The following AK5 variants were observed in gnomAD, a reference collection of about 807,000 sequenced individuals.
The protein encoded by AK5 is adenylate kinase 5, also known as adenylate kinase isoenzyme 5.
AK5 carries 27 observed loss-of-function variants against 69.5 expected under a neutral mutation model. The ratio of observed to expected loss-of-function variants is 0.39; its 90% CI spans 0.29 to 0.54. The LOEUF is 0.54. AK5 is among the 20% of genes least tolerant of loss of function. The pLI, the probability that AK5 is intolerant of heterozygous loss-of-function variation, is 0.71. For synonymous variants in AK5, 260 were observed against 244.4 expected (o/e 1.06, Z -0.60); for missense variants, 531 against 700.4 (o/e 0.76, Z 2.73).
At chr1:77,395,713 A>C (rs1249125994) in intron 6 of AK5, among the ~76,000 whole-genome samples, 1 of 152,240 alleles carries the variant, frequency 6.6e-6, no homozygotes, top group Non-Finnish European at 1.5e-5. Context: ...TAACTAAACA[A>C]AACATAACCT....
chr1:77,288,664 C>T (rs1050080987), intron 2 of AK5, among the ~76,000 whole-genome samples: 2 of 152,100 alleles, frequency 1.3e-5, no homozygotes, highest in Non-Finnish European at 2.9e-5. Flanking sequence ...AATGATATGA[C>T]TCTGACCAAA....
At chr1:77,515,183 C>T (rs534547415) in intron 10 of AK5, among the ~76,000 whole-genome samples, 47 of 152,164 alleles carry the variant, frequency 3.1e-4, no homozygotes, top group Admixed American at 6.5e-4. Flanking sequence ...GACTCCCTGA[C>T]AATACTATGA....
chr1:77,293,890 T>C lies in AK5; in HGVS notation c.345T>C (p.Thr115=), dbSNP rs61750801. 1,220 of 1,613,616 alleles carry C rather than the reference T, an allele frequency of 7.6e-4. 1 individual carries two copies. The highest frequency in any genetic ancestry group is 1.0e-3 in the Non-Finnish European group (1,188 of 1,179,850). The change falls in exon 3 of 14, where the codon ACT becomes ACC. Residue 115 remains threonine (T), a synonymous_variant. Transcript: ENST00000354567. ...SIESDTDLSE[T]AELIEEYEVF... ...AAAGTGACACGGATCTCTCTGAGAC[T>C]GCAGAGTTGATTGAGGAGTATGAGG...
At chr1:77,399,412 T>G (rs1304404826) in intron 6 of AK5, among the ~76,000 whole-genome samples, 1 of 152,124 alleles carries the variant, frequency 6.6e-6, no homozygotes, top group Non-Finnish European at 1.5e-5. Flanking sequence ...CCCTTCTTAT[T>G]GTTAGTGGTC....
chr1:77,408,286 G>T (rs1232070179), intron 6 of AK5, among the ~76,000 whole-genome samples: 1 of 152,108 alleles, frequency 6.6e-6, no homozygotes, highest in Non-Finnish European at 1.5e-5. Flanking sequence ...TGCAGCCTCT[G>T]CAGCATCCAT....
intron 8 of AK5, among the ~76,000 whole-genome samples, chr1:77,474,117 G>T (rs2100701208): frequency 6.6e-6 from 1 of 152,276 alleles, no homozygotes; most frequent in Admixed American, 6.5e-5. Flanking sequence ...GTCTCATGTG[G>T]AGTTTATCTT....
intron 10 of AK5, among the ~76,000 whole-genome samples, chr1:77,493,086 G>A (rs766106403): frequency 2.0e-5 from 3 of 152,134 alleles, no homozygotes; most frequent in Non-Finnish European, 2.9e-5. Context: ...ACTTGACTGG[G>A]TTAAGGGATA....
intron 5 of AK5, among the ~76,000 whole-genome samples, chr1:77,334,827 T>C (rs1661266897): frequency 2.0e-5 from 3 of 152,156 alleles, no homozygotes; most frequent in African/African-American, 7.2e-5. Context: ...TGGGGTTTGG[T>C]GTGGTTACTT....
intron 7 of AK5, among the ~76,000 whole-genome samples, chr1:77,413,175 G>A (rs1241893046): frequency 3.3e-5 from 5 of 152,010 alleles, no homozygotes; most frequent in Admixed American, 2.0e-4. Flanking sequence ...CCTCCCCAAC[G>A]TCACTGGCAC....
intron 5 of AK5, chr1:77,313,804 C>T (rs573235424): frequency 1.5e-5 from 8 of 532,572 alleles, no homozygotes; most frequent in Admixed American, 3.9e-5. Flanking sequence ...GTACAGCCTA[C>T]GCCCTCAGAC....
intron 13 of AK5, 66 bp downstream of exon 13, chr1:77,536,104 A>G (rs993190449): frequency 6.7e-7 from 1 of 1,487,578 alleles, no homozygotes. Context: ...CCAAGAAAAG[A>G]GAAAAAGCTG....
At chr1:77,454,030 T>C (rs1653322694) in intron 8 of AK5, among the ~76,000 whole-genome samples, 2 of 152,124 alleles carry the variant, frequency 1.3e-5, no homozygotes, top group East Asian at 3.8e-4. Flanking sequence ...GGAAGAAGCT[T>C]CTAGTCTTCA....
chr1:77,482,992 TAAAAAAAAAAAAAAAAAAAAAA>T (rs56718956), intron 8 of AK5, among the ~76,000 whole-genome samples: 9 of 43,918 alleles, frequency 2.0e-4, no homozygotes, highest in African/African-American at 5.6e-4. Context: ...TTTTGCACTT[TAAAAAAAAAAAAAAAAAAAAAA>T]AAAAAAAAAA....
intron 5 of AK5, among the ~76,000 whole-genome samples, chr1:77,324,327 G>GTA (rs956483085): frequency 3.8e-5 from 3 of 78,228 alleles, no homozygotes; most frequent in Non-Finnish European, 6.9e-5. Flanking sequence ...GCGTGTGTGT[G>GTA]TGTGTGTGTG....
chr1:77,358,026 A>T (rs200246656), intron 6 of AK5, among the ~76,000 whole-genome samples: 22 of 65,730 alleles, frequency 3.3e-4, no homozygotes, highest in Non-Finnish European at 4.8e-4. Flanking sequence ...TGTGAGAGAG[A>T]GAGAGAGAGA....
At position 77,341,626 on chromosome 1, in the gene AK5, A is replaced by G. The variant is rs539430060; in HGVS notation, c.891+1058A>G. 1.1e-4 allele frequency among the ~76,000 whole-genome samples: 16 copies of G among 152,336 alleles called. No homozygotes were observed. The East Asian group carries it at 2.7e-3, about 26-fold the overall frequency. On this transcript the variant is annotated intron_variant, in intron 6 of 13. Transcript: ENST00000354567. ...TTAAAACTCTCTTCATTAGACTAGG[A>G]TGCCCTTAGACCTGAAAGAGACAGA... is the stretch of plus-strand genomic sequence containing the variant.
Position 77,289,351 on chromosome 1 carries a change from A to G in AK5, c.247+2224A>G, listed in dbSNP as rs550663479. Among the ~76,000 whole-genome samples the G allele has an allele frequency of 2.0e-5, 3 of 152,278 alleles. No homozygotes were observed. In the East Asian group the frequency reaches 5.8e-4, roughly 29 times the overall value. On this transcript the variant is annotated intron_variant, in intron 2 of 13. Transcript: ENST00000354567. ...ATATTTTTGTGGGCTTGAACAGTTC[A>G]TACACATCCCCAGCATATGGGAAGC... is the stretch of plus-strand genomic sequence containing the variant.
chr1:77,470,848 TATATATATATATATATATA>T (rs1479846023), intron 8 of AK5, among the ~76,000 whole-genome samples: 730 of 12,836 alleles, frequency 0.057, 69 homozygotes, highest in Admixed American at 0.091. Flanking sequence ...TATATATATA[TATATATATATATATATATA>T]TATATATATT....
rs753916010 is a variant in AK5, at chr1:77,391,495, GTATATATATATATATATATA to G, written c.892-19472_892-19453del. Among the ~76,000 whole-genome samples the G allele has an allele frequency of 1.3e-4, 8 of 63,452 alleles. 1 individual carries two copies. Among genetic ancestry groups the G allele is most frequent in the African/African-American group, 4.2e-4 (8 of 18,988 alleles). 41.6% of individuals were successfully genotyped at this position (63,452 alleles called of 152,430 possible). On this transcript the variant is annotated intron_variant, in intron 6 of 13. Transcript: ENST00000354567. ...TATGTGTGTGTGTATGTGTGTGTGT[GTATATATATATATATATATA>G]TATATATATATATCTCCTCAGGCTG...
Sources: allele counts gnomAD v4.1 joint callset (sites outside exome capture counted in the v4.1 genomes callset), GRCh38; gene constraint gnomAD v4.1.1; transcripts MANE v1.5; gene names NCBI Gene and HGNC (gene_info 2026-07-23, HGNC 2026-07-21).